Variants in ZC3H12B observed in about 807,000 individuals in gnomAD.
The protein encoded by ZC3H12B is probable ribonuclease ZC3H12B.
A neutral mutation model predicts 43.9 loss-of-function variants in ZC3H12B; 7 were observed. That is an observed-to-expected ratio of 0.16 (90% CI 0.09 to 0.30). The LOEUF (loss-of-function observed/expected upper bound fraction) is 0.30, where lower values mean the gene tolerates loss of function less well. Ranked by LOEUF, ZC3H12B falls within the 10% of genes least tolerant of loss-of-function variation. The probability of loss-of-function intolerance (pLI) is 1.00; values close to 1 mark genes in which losing one functional copy is unlikely to be tolerated. For missense variants in ZC3H12B, 475 were observed against 670.2 expected (o/e 0.71, Z 3.22); for synonymous variants, 222 against 241.7 (o/e 0.92, Z 0.76).
chrX:65,373,774 G>C (rs1444048182), intron 2 of ZC3H12B, among the ~76,000 whole-genome samples: 5 of 94,071 alleles, frequency 5.3e-5, no homozygotes, highest in South Asian at 5.2e-4. Context: ...ATAGCATTAG[G>C]AGATATACCT....
chrX:65,110,866 T>C, the ZC3H12B span, among the ~76,000 whole-genome samples: 1 of 111,486 alleles, frequency 9.0e-6, no homozygotes, highest in Non-Finnish European at 1.9e-5. Flanking sequence ...CATGAATTCA[T>C]ATCTCTGCAT....
the ZC3H12B span, among the ~76,000 whole-genome samples, chrX:65,043,022 G>T: frequency 1.8e-5 from 2 of 111,424 alleles, no homozygotes; most frequent in Non-Finnish European, 3.8e-5. Context: ...CTAAATTCAG[G>T]CAATCAGAAG....
the ZC3H12B span, among the ~76,000 whole-genome samples, chrX:65,243,582 A>C: frequency 8.9e-6 from 1 of 111,866 alleles, no homozygotes; most frequent in Admixed American, 9.5e-5. Context: ...AAAACTAAAA[A>C]TAGAATTATC....
intron 2 of ZC3H12B, among the ~76,000 whole-genome samples, chrX:65,395,825 T>A (rs1218396743): frequency 8.9e-6 from 1 of 112,005 alleles, no homozygotes; most frequent in East Asian, 2.8e-4. Context: ...CTGGCCTTTC[T>A]TTTGGTTGGT....
chrX:65,204,488 A>T, the ZC3H12B span, among the ~76,000 whole-genome samples: 2 of 112,226 alleles, frequency 1.8e-5, no homozygotes, highest in Non-Finnish European at 3.8e-5. Context: ...TAAAATAATC[A>T]TAATTATTGA....
chrX:65,277,488 A>T, the ZC3H12B span, among the ~76,000 whole-genome samples: 1 of 112,122 alleles, frequency 8.9e-6, no homozygotes, highest in African/African-American at 3.2e-5. Flanking sequence ...TTCAAAAAAA[A>T]TTTAAAAAAT....
chrX:65,277,617 C>T, the ZC3H12B span, among the ~76,000 whole-genome samples: 2 of 111,396 alleles, frequency 1.8e-5, no homozygotes, highest in Non-Finnish European at 3.8e-5. Flanking sequence ...TTTCAATAAG[C>T]AATGAGTGAA....
At chrX:65,099,477 C>T in the ZC3H12B span, among the ~76,000 whole-genome samples, 1 of 111,650 alleles carries the variant, frequency 9.0e-6, no homozygotes, top group African/African-American at 3.3e-5. Flanking sequence ...TACAGGAGAG[C>T]TCTGGCTGGC....
chrX:65,211,539 A>G, the ZC3H12B span, among the ~76,000 whole-genome samples: 1 of 104,319 alleles, frequency 9.6e-6, no homozygotes, highest in East Asian at 2.9e-4. Context: ...CAGAGAAACT[A>G]AACTCCAGCA....
At chrX:65,179,771 T>C in the ZC3H12B span, among the ~76,000 whole-genome samples, 1 of 111,897 alleles carries the variant, frequency 8.9e-6, no homozygotes, top group African/African-American at 3.2e-5. Context: ...AATGGATAAA[T>C]ATCTGGACAT....
chrX:65,099,359 C>A, the ZC3H12B span, among the ~76,000 whole-genome samples: 14 of 111,650 alleles, frequency 1.3e-4, no homozygotes, highest in African/African-American at 4.6e-4. Flanking sequence ...AGTTCTCCAA[C>A]CACAGTGCTC....
At chrX:65,180,016 C>T in the ZC3H12B span, among the ~76,000 whole-genome samples, 2 of 111,666 alleles carry the variant, frequency 1.8e-5, no homozygotes, top group Non-Finnish European at 3.8e-5. Context: ...AGGCCGGCAT[C>T]GTCCTGATAC....
the ZC3H12B span, among the ~76,000 whole-genome samples, chrX:65,145,661 C>T: frequency 9.0e-6 from 1 of 111,260 alleles, no homozygotes; most frequent in Non-Finnish European, 1.9e-5. Context: ...TAAAGCAGTT[C>T]TTGTAGTGCT....
chrX:65,038,198 G>A, the ZC3H12B span, among the ~76,000 whole-genome samples: 1 of 111,287 alleles, frequency 9.0e-6, no homozygotes, highest in Non-Finnish European at 1.9e-5. Flanking sequence ...TTTACTCTGA[G>A]GAACAATATA....
At chrX:65,153,662 G>T in the ZC3H12B span, among the ~76,000 whole-genome samples, 3 of 112,285 alleles carry the variant, frequency 2.7e-5, no homozygotes, top group Admixed American at 9.4e-5. Context: ...CATTGTGGAA[G>T]TCAATGTGGT....
the ZC3H12B span, among the ~76,000 whole-genome samples, chrX:65,098,879 A>T: frequency 9.1e-6 from 1 of 110,373 alleles, no homozygotes; most frequent in Non-Finnish European, 1.9e-5. Flanking sequence ...CCAGCAAGAC[A>T]GAATTGTTCA....
At chrX:65,103,249 C>T in the ZC3H12B span, among the ~76,000 whole-genome samples, 2 of 111,574 alleles carry the variant, frequency 1.8e-5, no homozygotes, top group Non-Finnish European at 3.8e-5. Context: ...TTTCTCAGGG[C>T]TGTTCCTTGC....
At chrX:65,407,787 C>T (rs1172466754) in intron 3 of ZC3H12B, among the ~76,000 whole-genome samples, 1 of 113,454 alleles carries the variant, frequency 8.8e-6, no homozygotes, top group Non-Finnish European at 1.9e-5. Context: ...AGCACTGCCC[C>T]CGCGCACAGT....
chrX:65,193,385 A>T, the ZC3H12B span, among the ~76,000 whole-genome samples: 7 of 111,318 alleles, frequency 6.3e-5, no homozygotes, highest in Middle Eastern at 4.6e-3. Flanking sequence ...TGTGTCTAGG[A>T]ATTTATCCCT....
Sources: gnomAD v4.1 joint callset for allele counts (sites outside exome capture counted in the v4.1 genomes callset) on GRCh38, gnomAD v4.1.1 for gene constraint, MANE v1.5 for transcripts, NCBI Gene and HGNC (gene_info 2026-07-23, HGNC 2026-07-21) for gene names.